The following SH3GL3 variants were observed in gnomAD, a reference collection of about 807,000 sequenced individuals.
The protein encoded by SH3GL3 is SH3 domain containing GRB2 like 3, endophilin A3.
Under a neutral mutation model 47.7 loss-of-function variants are expected in SH3GL3, and 33 were observed. The ratio of observed to expected loss-of-function variants is 0.69; its 90% CI spans 0.52 to 0.92. The LOEUF (loss-of-function observed/expected upper bound fraction) is 0.92, where lower values mean the gene tolerates loss of function less well. Among genes scored for constraint, SH3GL3 ranks in the 40% least tolerant of loss-of-function variants. The probability of loss-of-function intolerance (pLI) is 0.00; values close to 1 mark genes in which losing one functional copy is unlikely to be tolerated. For missense variants in SH3GL3, 363 were observed against 417.8 expected, an observed-to-expected ratio of 0.87 and a Z score of 1.14; for synonymous variants, 155 against 148.8, an observed-to-expected ratio of 1.04 and a Z score of -0.30.
chr15:83,522,210 G>A (rs1363966380), intron 1 of SH3GL3, among the ~76,000 whole-genome samples: 1 of 152,140 alleles, frequency 6.6e-6, no homozygotes, highest in Non-Finnish European at 1.5e-5. Flanking sequence ...GTTGAGGGAA[G>A]GGTTGAAAAC....
chr15:83,490,729 A>G (rs1409994309), intron 1 of SH3GL3: 2 of 1,563,942 alleles, frequency 1.3e-6, no homozygotes, highest in Non-Finnish European at 8.7e-7. Flanking sequence ...CATCCTTTGG[A>G]ATTTGTTCAC....
chr15:83,566,847 A>C (rs1405666135), intron 3 of SH3GL3, among the ~76,000 whole-genome samples: 2 of 152,216 alleles, frequency 1.3e-5, no homozygotes, highest in African/African-American at 4.8e-5. Context: ...CGGGAATGTC[A>C]CTACTCACAG....
intron 1 of SH3GL3, among the ~76,000 whole-genome samples, chr15:83,487,219 T>TA (rs1278606852): frequency 7.6e-6 from 1 of 132,002 alleles, no homozygotes; most frequent in African/African-American, 3.0e-5. Flanking sequence ...TTTTTTTTTT[T>TA]ATCTTTCTTG....
chr15:83,472,625 TC>T (rs1208630945), intron 1 of SH3GL3, among the ~76,000 whole-genome samples: 1 of 152,232 alleles, frequency 6.6e-6, no homozygotes, highest in East Asian at 1.9e-4. Flanking sequence ...TCTAGCATCT[TC>T]ACAGTGGCTT....
chr15:83,626,821 T>A, the SH3GL3 span, among the ~76,000 whole-genome samples: 1 of 152,206 alleles, frequency 6.6e-6, no homozygotes. Flanking sequence ...GAATAGCTTC[T>A]GTGTTCAGCT....
At chr15:83,457,651 A>G (rs2040064852) in intron 1 of SH3GL3, among the ~76,000 whole-genome samples, 1 of 152,246 alleles carries the variant, frequency 6.6e-6, no homozygotes, top group African/African-American at 2.4e-5. Flanking sequence ...TGCACTTTGC[A>G]CAATCCATAA....
intron 8 of SH3GL3, among the ~76,000 whole-genome samples, chr15:83,599,615 C>T (rs2060328521): frequency 6.6e-6 from 1 of 152,116 alleles, no homozygotes; most frequent in African/African-American, 2.4e-5. Flanking sequence ...TGGGCTGGTC[C>T]CATATTTTTG....
At chr15:83,582,345 C>T (rs2059851062) in intron 6 of SH3GL3, among the ~76,000 whole-genome samples, 1 of 152,096 alleles carries the variant, frequency 6.6e-6, no homozygotes, top group Admixed American at 6.6e-5. Flanking sequence ...TTCATGGGTT[C>T]CCAAGACCAG....
intron 5 of SH3GL3, 91 bp downstream of exon 5, chr15:83,572,789 T>G: frequency 7.5e-6 from 7 of 930,194 alleles, no homozygotes; most frequent in Non-Finnish European, 1.1e-5. Context: ...ACTGAAAGCA[T>G]CATCTTATGA....
intron 2 of SH3GL3, 32 bp downstream of exon 2, chr15:83,559,353 A>G: frequency 1.7e-6 from 2 of 1,165,130 alleles, no homozygotes; most frequent in Non-Finnish European, 2.6e-6. Flanking sequence ...AATTGATTAG[A>G]AACTGACTTT....
chr15:83,574,741 A>G (rs748396605), intron 5 of SH3GL3, among the ~76,000 whole-genome samples: 7 of 151,998 alleles, frequency 4.6e-5, no homozygotes, highest in Non-Finnish European at 1.0e-4. Flanking sequence ...AACTCTGCCC[A>G]GCCTCACTGA....
chr15:83,592,915 C>T (rs908294183), intron 8 of SH3GL3, among the ~76,000 whole-genome samples: 1 of 140,564 alleles, frequency 7.1e-6, no homozygotes, highest in Non-Finnish European at 1.6e-5. Context: ...TTCTGCACAT[C>T]GGTTTAATAA....
chr15:83,502,753 G>A (rs2042346163), intron 1 of SH3GL3, among the ~76,000 whole-genome samples: 1 of 152,114 alleles, frequency 6.6e-6, no homozygotes, highest in Admixed American at 6.5e-5. Flanking sequence ...TTTGTTGAGG[G>A]GGTTTCACTA....
intron 8 of SH3GL3, among the ~76,000 whole-genome samples, chr15:83,605,545 C>T: frequency 6.6e-6 from 1 of 151,912 alleles, no homozygotes. Flanking sequence ...ATCATTTCTT[C>T]TTTCTAAAGA....
chr15:83,510,551 A>G (rs867294583), intron 1 of SH3GL3, among the ~76,000 whole-genome samples: 2 of 152,304 alleles, frequency 1.3e-5, no homozygotes, highest in South Asian at 4.1e-4. Flanking sequence ...TAATTTTAAA[A>G]AGTTGTTATT....
intron 2 of SH3GL3, among the ~76,000 whole-genome samples, chr15:83,559,846 GC>G (rs764498139): frequency 2.0e-5 from 3 of 152,112 alleles, no homozygotes; most frequent in Non-Finnish European, 4.4e-5. Context: ...TGACAAGTGT[GC>G]CCTGCTTGTC....
At chr15:83,476,007 A>G (rs1344777644) in intron 1 of SH3GL3, among the ~76,000 whole-genome samples, 1 of 152,204 alleles carries the variant, frequency 6.6e-6, no homozygotes, top group Non-Finnish European at 1.5e-5. Flanking sequence ...TACTAATTAG[A>G]TTTATTTTGC....
chr15:83,557,575 GTC>G (rs1436845499), intron 1 of SH3GL3, among the ~76,000 whole-genome samples: 6 of 152,202 alleles, frequency 3.9e-5, no homozygotes, highest in Non-Finnish European at 7.3e-5. Flanking sequence ...CTCAGCTGGG[GTC>G]TCTCACGTTA....
chr15:83,456,759 C>T (rs1195247612), intron 1 of SH3GL3, among the ~76,000 whole-genome samples: 4 of 151,394 alleles, frequency 2.6e-5, no homozygotes, highest in Non-Finnish European at 5.9e-5. Flanking sequence ...ATGCAGAAAT[C>T]ACCCGTCTTC....
Sources: allele counts gnomAD v4.1 joint callset (sites outside exome capture counted in the v4.1 genomes callset), GRCh38; gene constraint gnomAD v4.1.1; transcripts MANE v1.5; gene names NCBI Gene and HGNC (gene_info 2026-07-23, HGNC 2026-07-21).